SND1: variants seen among roughly 807,000 people sequenced by gnomAD.
The protein encoded by SND1 is staphylococcal nuclease domain-containing protein 1.
Under a neutral mutation model 121.7 loss-of-function variants are expected in SND1, and 38 were observed. That is an observed-to-expected ratio of 0.31 (90% CI 0.24 to 0.41). The LOEUF is 0.41. SND1 is among the 10% of genes least tolerant of loss of function. SND1 has a pLI of 1.00. For missense variants in SND1, 868 were observed against 1,184.6 expected (o/e 0.73, Z 3.92); for synonymous variants, 401 against 447.4 (o/e 0.90, Z 1.31).
rs571880331 is a variant in SND1 at position 127,810,640 on chromosome 7, T to C, written c.1242+3067T>C. ...TCTTCTTCTGATAGCAGGAGCAATC[T>C]TTTTCTGTGTTTATAATTTATTTCC... On this transcript the variant is annotated intron_variant, in intron 11 of 23. Transcript: ENST00000354725. 9.2e-5 allele frequency among the ~76,000 whole-genome samples: 14 copies of C among 152,340 alleles called. No individual in the cohort carries two copies. The South Asian group carries it at 2.9e-3, about 32-fold the overall frequency.
At chr7:128,080,602 T>A (rs935294273) in intron 17 of SND1, among the ~76,000 whole-genome samples, 2 of 151,948 alleles carry the variant, frequency 1.3e-5, no homozygotes, top group African/African-American at 4.8e-5. Context: ...CCCTGCAGAG[T>A]GCCACGGGGA....
intron 15 of SND1, among the ~76,000 whole-genome samples, chr7:127,945,009 C>T (rs1461781259): frequency 6.6e-6 from 1 of 152,200 alleles, no homozygotes; most frequent in Non-Finnish European, 1.5e-5. Context: ...CCCTCTATCA[C>T]TCCCTCTGAC....
intron 15 of SND1, among the ~76,000 whole-genome samples, chr7:127,960,405 G>A (rs1292247825): frequency 2.6e-5 from 4 of 152,204 alleles, no homozygotes; most frequent in Non-Finnish European, 5.9e-5. Context: ...CACACAAAAC[G>A]TACACATTAG....
rs139075193 is a variant in SND1 at position 128,086,960 on chromosome 7, G to A, written c.2327G>A (p.Arg776His). ...CAGAGAGAGGTCCTGCCATCCACCC[G>A]CCTGGGTACCCTATCACCTGCCTTC... ...YGNREVLPST[R>H]LGTLSPAFST... Residue 776 changes from arginine (R) to histidine (H), a missense_variant, in exon 21 of 24, where the codon CGC (arginine) becomes CAC (histidine). Arg to His is a conservative substitution (Grantham distance 29). This residue lies in a region of SND1 where 743 missense variants were observed against 1,071.3 expected (regional missense o/e 0.69). Coordinates refer to ENST00000354725, the MANE Select transcript of SND1 (RefSeq NM_014390.4). The A allele has an allele frequency of 7.6e-5, 122 of 1,614,022 alleles. No individual in the cohort carries two copies. Among genetic ancestry groups the A allele is most frequent in the South Asian group, 1.2e-4 (11 of 91,090 alleles).
intron 12 of SND1, among the ~76,000 whole-genome samples, chr7:127,879,919 G>A (rs1444445749): frequency 6.6e-6 from 1 of 152,190 alleles, no homozygotes; most frequent in Non-Finnish European, 1.5e-5. Flanking sequence ...ATATGTGTGT[G>A]CATGCATGCA....
intron 1 of SND1, among the ~76,000 whole-genome samples, chr7:127,663,459 C>T (rs771607479): frequency 1.3e-5 from 2 of 151,652 alleles, no homozygotes; most frequent in African/African-American, 2.4e-5. Context: ...GAAACCTCCA[C>T]CTCTCGGGTT....
chr7:128,060,592 T>G (rs1004729486), intron 16 of SND1, among the ~76,000 whole-genome samples: 12 of 152,308 alleles, frequency 7.9e-5, no homozygotes, highest in Non-Finnish European at 1.3e-4. Flanking sequence ...GCCTGCTGCC[T>G]CTAGGCAGCA....
intron 14 of SND1, among the ~76,000 whole-genome samples, chr7:127,908,747 A>G (rs999078527): frequency 5.3e-5 from 8 of 152,172 alleles, no homozygotes; most frequent in African/African-American, 1.7e-4. Context: ...CATAGAAAAA[A>G]TTGGAGTATG....
At chr7:127,793,112 T>G (rs1388246998) in intron 10 of SND1, among the ~76,000 whole-genome samples, 1 of 152,132 alleles carries the variant, frequency 6.6e-6, no homozygotes, top group Non-Finnish European at 1.5e-5. Context: ...TTTCCCAGGG[T>G]GGGCAAGCAC....
chr7:127,694,917 G>T lies in SND1; in HGVS notation c.318G>T (p.Gly106=). The T allele has an allele frequency of 1.2e-6, 2 of 1,613,894 alleles. No homozygotes were observed. Among genetic ancestry groups the T allele is most frequent in the Non-Finnish European group, 1.7e-6 (2 of 1,179,848 alleles). The part of the protein sequence containing the change: ...CFTIENKTPQ[G]REYGMIYLGK... ...CGATAGAAAACAAGACTCCCCAGGG[G>T]CGAGAGTATGGCATGATCTACCTTG... The change falls in exon 3 of 24, where the codon GGG becomes GGT. Residue 106 remains glycine, a synonymous_variant. Transcript: ENST00000354725.
At chr7:127,779,551 G>C (rs760696608) in intron 10 of SND1, among the ~76,000 whole-genome samples, 5 of 152,146 alleles carry the variant, frequency 3.3e-5, no homozygotes, top group Admixed American at 6.5e-5. Flanking sequence ...TTTATATACT[G>C]TTTGCTCCGA....
chr7:127,679,980 G>A (rs989568044), intron 1 of SND1, among the ~76,000 whole-genome samples: 10 of 152,228 alleles, frequency 6.6e-5, no homozygotes, highest in Middle Eastern at 3.4e-3. Context: ...TGATAGTCAC[G>A]TAGGTTCTTT....
intron 16 of SND1, among the ~76,000 whole-genome samples, chr7:128,055,590 C>A (rs932482657): frequency 3.2e-4 from 49 of 152,138 alleles, no homozygotes; most frequent in African/African-American, 1.1e-3. Flanking sequence ...AGAATAGATG[C>A]AACGAGCCCC....
intron 13 of SND1, among the ~76,000 whole-genome samples, chr7:127,901,420 G>A (rs1800228166): frequency 6.6e-6 from 1 of 152,150 alleles, no homozygotes; most frequent in Admixed American, 6.5e-5. Flanking sequence ...TGTGGCATCA[G>A]ACTTGTGACA....
chr7:128,049,751 G>T (rs1043426523), intron 16 of SND1, among the ~76,000 whole-genome samples: 2 of 152,192 alleles, frequency 1.3e-5, no homozygotes, highest in Admixed American at 6.5e-5. Context: ...AAATGGGGAT[G>T]ATAATATTAT....
chr7:127,920,302 A>G (rs1298900988), intron 14 of SND1, among the ~76,000 whole-genome samples: 1 of 152,228 alleles, frequency 6.6e-6, no homozygotes, highest in East Asian at 1.9e-4. Flanking sequence ...ATAAACCAAT[A>G]AAGCAGAAGG....
intron 12 of SND1, among the ~76,000 whole-genome samples, chr7:127,845,498 G>A (rs1040533020): frequency 2.0e-5 from 3 of 152,210 alleles, no homozygotes; most frequent in African/African-American, 7.2e-5. Flanking sequence ...GACAAATCAA[G>A]TAATATTTTT....
At chr7:127,755,032 G>A (rs1324307035) in intron 10 of SND1, among the ~76,000 whole-genome samples, 2 of 152,262 alleles carry the variant, frequency 1.3e-5, no homozygotes, top group African/African-American at 2.4e-5. Flanking sequence ...TCAGGGGGCC[G>A]GGTTGTAGGG....
At chr7:128,086,750 C>T (rs1793693839) in intron 20 of SND1, 188 bp from the exon 21 acceptor site, 1 of 629,896 alleles carries the variant, frequency 1.6e-6, no homozygotes. Context: ...GCTGGACCAG[C>T]AGGGCACGTT....
Sources: gnomAD v4.1 joint callset for allele counts (sites outside exome capture counted in the v4.1 genomes callset) on GRCh38, gnomAD v4.1.1 for gene constraint, gnomAD v4.1.1 regional missense constraint, MANE v1.5 for transcripts, NCBI Gene and HGNC (gene_info 2026-07-23, HGNC 2026-07-21) for gene names.